SEC16B: variants seen among roughly 807,000 people sequenced by gnomAD.
The protein encoded by SEC16B is protein transport protein Sec16B.
SEC16B carries 115 observed loss-of-function variants against 141.8 expected under a neutral mutation model. That is an observed-to-expected ratio of 0.81 (90% CI 0.70 to 0.95). The LOEUF is 0.95. SEC16B is among the 40% of genes least tolerant of loss of function. The probability of loss-of-function intolerance (pLI) is 0.00; values close to 1 mark genes in which losing one functional copy is unlikely to be tolerated. For synonymous variants in SEC16B, 493 were observed against 492.5 expected (o/e 1.00, Z -0.01); for missense variants, 1,291 against 1,312.3 (o/e 0.98, Z 0.25).
Position 177,960,596 on chromosome 1 carries a change from G to A in SEC16B, c.937-193C>T, listed in dbSNP as rs1318981999. ...ACATCTCAGGAAAAACACAACTGTA[G>A]CATCAATTCTTTCAGAGAAGAGCCC... On this transcript the variant is annotated intron_variant, in intron 7 of 25. Transcript: ENST00000308284. 3 of 692,564 alleles carry A rather than the reference G, an allele frequency of 4.3e-6. No individual in the cohort carries two copies. In the African/African-American group the frequency reaches 5.4e-5, roughly 13 times the overall value. The allele number at this position is 692,564 out of a possible 1,614,324, so 42.9% of individuals were successfully genotyped here.
intron 4 of SEC16B, among the ~76,000 whole-genome samples, chr1:177,964,727 G>C (rs148532754): frequency 1.3e-5 from 2 of 152,314 alleles, no homozygotes; most frequent in East Asian, 1.9e-4. Context: ...ACCTAATCGT[G>C]AGAACTTTTG....
In SEC16B at chr1:177,965,965, T is replaced by C. The variant is rs767713243; in HGVS notation, c.340A>G (p.Thr114Ala). The C allele has an allele frequency of 1.7e-5, 27 of 1,596,716 alleles. No individual in the cohort carries two copies. In the East Asian group the frequency reaches 5.6e-4, roughly 33 times the overall value. ...CCATAAGCATATTCCTCCCTCATTG[T>C]GGGAGACTGATAGCTCTGATATGAA... ...ENSYQSYQSPTMREEYAYGSY... is the reference protein window; with the variant it reads ...ENSYQSYQSPAMREEYAYGSY... Residue 114 changes from threonine to alanine, a missense_variant, in exon 3 of 26, where the codon ACA (threonine) becomes GCA (alanine). Coordinates refer to ENST00000308284, the MANE Select transcript of SEC16B (RefSeq NM_033127.4).
Position 177,929,752 on chromosome 1 carries a change from A to C in SEC16B, c.*106T>G, listed in dbSNP as rs1650272879. On this transcript the variant is annotated 3_prime_UTR_variant, in exon 26 of 26. Transcript: ENST00000308284. The stretch of plus-strand genomic sequence containing the variant: ...CCCGGTGGAGGCATCGGGCTAGCAC[A>C]AACCTCTTGAGGGTCCCAATATGGT... 1 of 1,301,182 alleles carries C rather than the reference A, an allele frequency of 7.7e-7. No homozygotes were observed. Among genetic ancestry groups the C allele is most frequent in the East Asian group, 2.5e-5 (1 of 40,292 alleles). The allele number at this position is 1,301,182 out of a possible 1,614,324, so 80.6% of individuals were successfully genotyped here.
chr1:177,962,573 C>CA (rs1319746814), intron 5 of SEC16B, among the ~76,000 whole-genome samples: 2 of 150,646 alleles, frequency 1.3e-5, no homozygotes, highest in East Asian at 2.0e-4. Flanking sequence ...CCCATCTCTA[C>CA]AAAAAAACAA....
chr1:177,963,222 AC>A (rs1653221817), intron 5 of SEC16B, among the ~76,000 whole-genome samples: 2 of 151,936 alleles, frequency 1.3e-5, no homozygotes, highest in Admixed American at 1.3e-4. Context: ...TATGTGCCCT[AC>A]TCTATTAAGC....
At position 177,929,866 on chromosome 1, in the gene SEC16B, G is replaced by T. The variant is rs760211404; in HGVS notation, c.3175C>A (p.Pro1059Thr). The T allele has an allele frequency of 6.2e-7, 1 of 1,613,880 alleles. No individual in the cohort carries two copies. Among genetic ancestry groups the T allele is most frequent in the Non-Finnish European group, 8.5e-7 (1 of 1,179,850 alleles). Residue 1059 changes from proline (P) to threonine (T), a missense_variant, in exon 26 of 26, where the codon CCA becomes ACA. By Grantham distance (38) the Pro-to-Thr change is conservative. Coordinates refer to ENST00000308284, the MANE Select transcript of SEC16B (RefSeq NM_033127.4). Reference sequence around the variant, plus strand: ...GGGACGTGTGTTTATTCTCAGCATGGCTGGGTGGGATAGCGACGCTGAGCT... The same window carrying T: ...GGGACGTGTGTTTATTCTCAGCATGTCTGGGTGGGATAGCGACGCTGAGCT... ...RLAQRRYPTQ[P>T]C
chr1:177,943,670 G>A (rs752516049), intron 15 of SEC16B, among the ~76,000 whole-genome samples: 16 of 152,246 alleles, frequency 1.1e-4, no homozygotes, highest in Non-Finnish European at 2.4e-4. Flanking sequence ...ACAAGGCAGC[G>A]TGAGCTCAGT....
chr1:177,967,918 C>T lies in SEC16B; in HGVS notation c.64G>A (p.Asp22Asn). 2 of 1,613,942 alleles carry T rather than the reference C, an allele frequency of 1.2e-6. No homozygotes were observed. The highest frequency in any genetic ancestry group is 3.3e-4 in the Middle Eastern group (2 of 6,062). Residue 22 changes from aspartate to asparagine, a missense_variant, in exon 2 of 26, where the codon GAT (aspartate) becomes AAT (asparagine). Coordinates refer to ENST00000308284, the MANE Select transcript of SEC16B (RefSeq NM_033127.4). The stretch of plus-strand genomic sequence containing the variant: ...TCTCTCCGAAACCCTCGGTCTGGAT[C>T]CTTTGAGGGTGCTGTGGCCTTCCCT... ...TRGKATAPSK[D>N]PDRGFRRDGH...
In SEC16B at chr1:177,967,933, T is replaced by TG; in HGVS notation, c.48dup (p.Thr17HisfsTer71). ...CGGTCTGGATCCTTTGAGGGTGCTGTGGCCTTCCCTCGTGTCTGGGGCAGC... is the reference window on the plus strand; with the variant it reads ...CGGTCTGGATCCTTTGAGGGTGCTGTGGGCCTTCCCTCGTGTCTGGGGCAGC... On this transcript the variant is annotated frameshift_variant, in exon 2 of 26. Transcript: ENST00000308284. LOFTEE classifies it high-confidence loss of function. 2 of 1,613,694 alleles carry TG rather than the reference T, an allele frequency of 1.2e-6. No homozygotes were observed. Among genetic ancestry groups the TG allele is most frequent in the Non-Finnish European group, 1.7e-6 (2 of 1,179,622 alleles).
chr1:177,932,828 G>C, intron 22 of SEC16B, 22 bp from the exon 23 acceptor site: 1 of 1,590,210 alleles, frequency 6.3e-7, no homozygotes, highest in Non-Finnish European at 8.6e-7. Flanking sequence ...AGAAAGAAAG[G>C]CAGCATTGGC....
chr1:177,953,002 C>CT lies in SEC16B; in HGVS notation c.1464-1008_1464-1007insA, dbSNP rs1652322501. ...CGGACTGAACTTAACATGGAAGTGTCATTTTTTTTTTTTTTTTTTTGAGAC... is the reference window on the plus strand; with the variant it reads ...CGGACTGAACTTAACATGGAAGTGTCTATTTTTTTTTTTTTTTTTTTGAGAC... On this transcript the variant is annotated intron_variant, in intron 11 of 25. Transcript: ENST00000308284. Among the ~76,000 whole-genome samples, 5 of 99,176 alleles carry CT rather than the reference C, an allele frequency of 5.0e-5. No individual in the cohort carries two copies. In the East Asian group the frequency reaches 1.6e-3, roughly 32 times the overall value. The allele number at this position is 99,176 out of a possible 152,430, so 65.1% of individuals were successfully genotyped here.
At chr1:177,942,365 C>T (rs1467357985) in intron 15 of SEC16B, among the ~76,000 whole-genome samples, 2 of 152,162 alleles carry the variant, frequency 1.3e-5, no homozygotes, top group African/African-American at 4.8e-5. Context: ...AGGCATAGCA[C>T]CAGGCACAAG....
At chr1:177,951,853 TC>T (rs1652212854) in intron 12 of SEC16B, 60 bp downstream of exon 12, 4 of 1,381,990 alleles carry the variant, frequency 2.9e-6, no homozygotes, top group Non-Finnish European at 4.0e-6. Context: ...TCCTGAGCAG[TC>T]CCCGCCCCCT....
At chr1:177,968,759 C>T (rs1031679251) in intron 1 of SEC16B, among the ~76,000 whole-genome samples, 7 of 152,124 alleles carry the variant, frequency 4.6e-5, no homozygotes, top group Admixed American at 3.9e-4. Context: ...AGAACTAGAA[C>T]CTATATAATA....
At chr1:177,948,369 C>A (rs1405882656) in intron 12 of SEC16B, 1 of 1,304,874 alleles carries the variant, frequency 7.7e-7, no homozygotes, top group Non-Finnish European at 1.0e-6. Context: ...CGGGGGAACA[C>A]GGGCCTGCTT....
intron 1 of SEC16B, among the ~76,000 whole-genome samples, chr1:177,980,480 T>C (rs1654361701): frequency 6.6e-6 from 1 of 152,132 alleles, no homozygotes; most frequent in African/African-American, 2.4e-5. Flanking sequence ...TGTGCTCCTA[T>C]TTAATAACCA....
chr1:177,934,500 T>C (rs1241332800), intron 20 of SEC16B, among the ~76,000 whole-genome samples: 1 of 152,272 alleles, frequency 6.6e-6, no homozygotes, highest in Admixed American at 6.5e-5. Flanking sequence ...TTATTTTTTA[T>C]TCAAATGAAT....
chr1:177,951,870 C>T, intron 12 of SEC16B, 44 bp downstream of exon 12: 2 of 1,517,626 alleles, frequency 1.3e-6, no homozygotes, highest in Non-Finnish European at 1.8e-6. Flanking sequence ...CCCCTCAAGC[C>T]CTTGGGATGC....
At position 177,967,746 on chromosome 1, in the gene SEC16B, C is replaced by T. The variant is rs765580588; in HGVS notation, c.236G>A (p.Trp79Ter). 3.3e-5 allele frequency: 53 copies of T among 1,613,720 alleles called. No homozygotes were observed. The highest frequency in any genetic ancestry group is 2.7e-4 in the Admixed American group (16 of 60,028). Residue 79 changes from tryptophan (W) to a stop codon, truncating the protein, a stop_gained, in exon 2 of 26, where the codon TGG (tryptophan) becomes TAG (stop). Transcript: ENST00000308284. LOFTEE classifies it high-confidence loss of function. ...QPHYASRPGD[W>*]HQPVSGVDYY... is the part of the protein sequence containing the mutation. ...GTCAACTCCAGACACAGGCTGATGC[C>T]AGTCCCCTGGCCTGGATGCATAATG...
Sources: allele counts gnomAD v4.1 joint callset (sites outside exome capture counted in the v4.1 genomes callset), GRCh38; gene constraint gnomAD v4.1.1; transcripts MANE v1.5; gene names NCBI Gene and HGNC (gene_info 2026-07-23, HGNC 2026-07-21).